Variants in CORO2A observed in about 807,000 individuals in gnomAD.
The protein encoded by CORO2A is coronin 2A.
In CORO2A, 47 loss-of-function variants were observed where a neutral mutation model predicts 62.4. That is an observed-to-expected ratio of 0.75 (90% CI 0.60 to 0.96). The LOEUF (loss-of-function observed/expected upper bound fraction) is 0.96, where lower values mean the gene tolerates loss of function less well. CORO2A is among the 40% of genes least tolerant of loss of function. The pLI is 0.00. For missense variants in CORO2A, 610 were observed against 684.1 expected (o/e 0.89, Z 1.21); for synonymous variants, 273 against 268.9 (o/e 1.02, Z -0.15).
chr9:98,130,220 A>C (rs553917847), intron 7 of CORO2A, among the ~76,000 whole-genome samples: 1 of 152,132 alleles, frequency 6.6e-6, no homozygotes, highest in African/African-American at 2.4e-5. Flanking sequence ...AGGTGGGACC[A>C]CAGGTGTGTG....
chr9:98,191,336 G>A (rs1828303641), intron 1 of CORO2A, among the ~76,000 whole-genome samples: 1 of 152,212 alleles, frequency 6.6e-6, no homozygotes, highest in South Asian at 2.1e-4. Context: ...CCAGGAAAGC[G>A]GAGGCCCCAC....
chr9:98,171,475 C>T (rs954251184), intron 1 of CORO2A, among the ~76,000 whole-genome samples: 11 of 152,212 alleles, frequency 7.2e-5, no homozygotes, highest in African/African-American at 2.7e-4. Context: ...CAGACCCAGA[C>T]AGCGTCACTT....
At chr9:98,162,678 T>C (rs990150934) in intron 1 of CORO2A, among the ~76,000 whole-genome samples, 2 of 152,234 alleles carry the variant, frequency 1.3e-5, no homozygotes, top group African/African-American at 4.8e-5. Context: ...ACTGCATTCA[T>C]CAGGAAGTTC....
chr9:98,185,792 G>T (rs1397560176), intron 1 of CORO2A, among the ~76,000 whole-genome samples: 1 of 152,234 alleles, frequency 6.6e-6, no homozygotes, highest in African/African-American at 2.4e-5. Context: ...CATTTTGCAG[G>T]TGGGCCAGGA....
At chr9:98,189,312 A>C (rs1308165544) in intron 1 of CORO2A, among the ~76,000 whole-genome samples, 1 of 152,172 alleles carries the variant, frequency 6.6e-6, no homozygotes, top group African/African-American at 2.4e-5. Context: ...ATCTGTTCTG[A>C]AGGAGGCAAG....
rs1198640465 is a variant in CORO2A at position 98,132,282 on chromosome 9, T to C, written c.668A>G (p.His223Arg). ...TVLQEASYKG[H>R]RASKVLFLGN... ...CAGAAACAGCACTTTGCTGGCCCGG[T>C]GCCCTTTGTAGCTGGCCTCCTGGAG... The change falls in exon 6 of 12, where the codon CAC becomes CGC. Residue 223 changes from histidine (H) to arginine (R), a missense_variant. By Grantham distance (29) the His-to-Arg change is conservative (BLOSUM62 0). Transcript: ENST00000375077. 1.2e-6 allele frequency: 2 copies of C among 1,613,922 alleles called. No homozygotes were observed. Among genetic ancestry groups the C allele is most frequent in the East Asian group, 2.2e-5 (1 of 44,888 alleles).
intron 2 of CORO2A, among the ~76,000 whole-genome samples, chr9:98,145,383 G>A (rs1288657873): frequency 1.3e-5 from 2 of 152,164 alleles, no homozygotes; most frequent in African/African-American, 4.8e-5. Flanking sequence ...TCTGTGGCAG[G>A]CCAACTCCTT....
In CORO2A at chr9:98,122,984, T is replaced by C. The variant is rs1159228826; in HGVS notation, c.*1790A>G. 2 of 152,282 alleles carry C rather than the reference T, an allele frequency of 1.3e-5. No homozygotes were observed. Among genetic ancestry groups the C allele is most frequent in the Non-Finnish European group, 2.9e-5 (2 of 68,078 alleles). 9.4% of individuals were successfully genotyped at this position (152,282 alleles called of 1,614,324 possible). On this transcript the variant is annotated 3_prime_UTR_variant, in exon 12 of 12. Coordinates refer to ENST00000375077, the MANE Select transcript of CORO2A (RefSeq NM_052820.4). ...CCTCTGACCCCTTGCCAGTGTCCGT[T>C]AGTTTCTGTAGCAAACCCAGATCAC...
chr9:98,128,103 G>C, intron 10 of CORO2A, 67 bp downstream of exon 10: 1 of 1,327,414 alleles, frequency 7.5e-7, no homozygotes, highest in Non-Finnish European at 1.1e-6. Flanking sequence ...CCTCTCAATT[G>C]CTTGGGGCCA....
intron 1 of CORO2A, among the ~76,000 whole-genome samples, chr9:98,175,416 T>G (rs1828094701): frequency 6.6e-6 from 1 of 151,976 alleles, no homozygotes; most frequent in African/African-American, 2.4e-5. Context: ...TAGCACCAAC[T>G]CCCACTGGGC....
intron 1 of CORO2A, among the ~76,000 whole-genome samples, chr9:98,159,036 C>A (rs1588005415): frequency 6.6e-6 from 1 of 150,956 alleles, no homozygotes; most frequent in African/African-American, 2.4e-5. Context: ...CCCTCACCAC[C>A]CCACCCCCAC....
chr9:98,189,908 G>A (rs1440650119), intron 1 of CORO2A, among the ~76,000 whole-genome samples: 1 of 149,232 alleles, frequency 6.7e-6, no homozygotes. Context: ...TTTTTGAGAT[G>A]GAGTCTCGCT....
At chr9:98,128,752 G>T in intron 8 of CORO2A, 33 bp from the exon 9 acceptor site, 1 of 1,584,832 alleles carries the variant, frequency 6.3e-7, no homozygotes. Flanking sequence ...AAGAGGTTCT[G>T]GCTAGGCTGG....
chr9:98,134,593 G>A lies in CORO2A; in HGVS notation c.468+213C>T, dbSNP rs144117834. 4.4e-3 allele frequency among the ~76,000 whole-genome samples: 669 copies of A among 152,308 alleles called. 5 individuals carry two copies. Among genetic ancestry groups the A allele is most frequent in the African/African-American group, 0.015 (635 of 41,556 alleles). On this transcript the variant is annotated intron_variant, in intron 4 of 11. Transcript: ENST00000375077. ...TGTGAAGACAGAAACAGAGCCTGGA[G>A]TGACGCAGCTATAGCCAAGGATGCC...
intron 4 of CORO2A, 118 bp downstream of exon 4, chr9:98,134,688 C>A (rs1386295379): frequency 2.4e-6 from 3 of 1,255,916 alleles, no homozygotes; most frequent in Non-Finnish European, 3.2e-6. Flanking sequence ...AGCTGGCTCT[C>A]CCAACACCTT....
intron 1 of CORO2A, among the ~76,000 whole-genome samples, chr9:98,189,463 G>C (rs1418589211): frequency 6.6e-6 from 1 of 152,208 alleles, no homozygotes; most frequent in Non-Finnish European, 1.5e-5. Context: ...AAAGGTTTAA[G>C]GCTGAAACCC....
At chr9:98,130,000 A>G in intron 7 of CORO2A, 110 bp from the exon 8 acceptor site, 1 of 734,680 alleles carries the variant, frequency 1.4e-6, no homozygotes, top group East Asian at 2.7e-5. Flanking sequence ...TGATCGGCAA[A>G]CCCATCTCAC....
chr9:98,156,854 T>C (rs1327607057), intron 2 of CORO2A, among the ~76,000 whole-genome samples: 2 of 152,244 alleles, frequency 1.3e-5, no homozygotes, highest in Non-Finnish European at 2.9e-5. Flanking sequence ...CCAGTGGCAC[T>C]ACTAACCTGG....
chr9:98,128,788 G>GGTGT, intron 8 of CORO2A, 69 bp from the exon 9 acceptor site: 2 of 1,283,020 alleles, frequency 1.6e-6, no homozygotes, highest in Non-Finnish European at 2.3e-6. Context: ...GCCAAAGCCA[G>GGTGT]GCTGCACACC....
Sources: gnomAD v4.1 joint callset for allele counts (sites outside exome capture counted in the v4.1 genomes callset) on GRCh38, gnomAD v4.1.1 for gene constraint, MANE v1.5 for transcripts, NCBI Gene and HGNC (gene_info 2026-07-23, HGNC 2026-07-21) for gene names.